Variants in POC1B observed in about 807,000 individuals in gnomAD.
POC1B encodes POC1 centriolar protein B.
Under a neutral mutation model 60.6 loss-of-function variants are expected in POC1B, and 44 were observed. That is an observed-to-expected ratio of 0.73 (90% CI 0.57 to 0.93). The LOEUF (loss-of-function observed/expected upper bound fraction) is 0.93. POC1B is among the 40% of genes least tolerant of loss of function. The pLI, the probability that POC1B is intolerant of heterozygous loss-of-function variation, is 0.00. For missense variants in POC1B, 555 were observed against 572.3 expected (o/e 0.97, Z 0.31); for synonymous variants, 180 against 198.9 (o/e 0.90, Z 0.80).
chr12:89,468,029 C>G (rs1207990290), intron 7 of POC1B, among the ~76,000 whole-genome samples: 1 of 152,158 alleles, frequency 6.6e-6, no homozygotes, highest in Non-Finnish European at 1.5e-5. Flanking sequence ...CAATCACTAG[C>G]AGAAACTGAA....
At chr12:89,471,184 A>C (rs964103002) in intron 6 of POC1B, among the ~76,000 whole-genome samples, 5 of 152,232 alleles carry the variant, frequency 3.3e-5, no homozygotes, top group African/African-American at 1.2e-4. Context: ...GATTTAATAT[A>C]AATCCAATAT....
chr12:89,525,120 C>G lies in POC1B; in HGVS notation c.100G>C (p.Ala34Pro). ...AAAGCAAAACAAGAATAAGACTTAC[C>G]AAGTTGCTTGCCGTTGGGGCTGAGG... ...LDLSPNGKQL[A>P]TASWDTFLML... The change falls in exon 2 of 12, where the codon GCT becomes CCT. Residue 34 changes from alanine to proline, a missense_variant and splice_region_variant. Ala to Pro is a conservative substitution (Grantham distance 27, BLOSUM62 -1). Coordinates refer to ENST00000313546, the MANE Select transcript of POC1B (RefSeq NM_172240.3). The G allele has an allele frequency of 6.2e-7, 1 of 1,614,026 alleles. No homozygotes were observed. The highest frequency in any genetic ancestry group is 8.5e-7 in the Non-Finnish European group (1 of 1,179,902).
At chr12:89,480,847 G>A (rs770933651) in intron 4 of POC1B, among the ~76,000 whole-genome samples, 2 of 152,204 alleles carry the variant, frequency 1.3e-5, no homozygotes, top group Non-Finnish European at 1.5e-5. Flanking sequence ...TGATCTGCCC[G>A]CCTTGGCCTC....
chr12:89,409,180 T>C, the POC1B span, among the ~76,000 whole-genome samples: 13 of 152,334 alleles, frequency 8.5e-5, 1 homozygote, highest in South Asian at 2.7e-3. Flanking sequence ...GGTGTTTCAG[T>C]CATGAAGTCT....
the POC1B span, among the ~76,000 whole-genome samples, chr12:89,407,461 C>T: frequency 4.9e-4 from 75 of 152,078 alleles, no homozygotes; most frequent in Non-Finnish European, 9.8e-4. Context: ...TGGTCTCAAA[C>T]TCCTAACCTC....
At chr12:89,494,147 C>T (rs1469650916) in intron 3 of POC1B, among the ~76,000 whole-genome samples, 1 of 152,168 alleles carries the variant, frequency 6.6e-6, no homozygotes, top group Non-Finnish European at 1.5e-5. Context: ...TCAAGAGCTC[C>T]TCCCTCCTCA....
chr12:89,412,198 C>T, the POC1B span, among the ~76,000 whole-genome samples: 2 of 152,176 alleles, frequency 1.3e-5, no homozygotes, highest in Admixed American at 6.5e-5. Context: ...TATCTGGCAT[C>T]GAGCTTCACA....
downstream of POC1B, chr12:89,419,614 C>T (rs1880448382): frequency 6.6e-6 from 1 of 152,176 alleles, no homozygotes; most frequent in African/African-American, 2.4e-5. Flanking sequence ...ACTGTTTTGA[C>T]AAGCTCTCCA....
At chr12:89,412,814 C>CCTTCCTTT in the POC1B span, among the ~76,000 whole-genome samples, 2 of 117,666 alleles carry the variant, frequency 1.7e-5, no homozygotes, top group East Asian at 1.0e-3. Flanking sequence ...CATGTTCCTT[C>CCTTCCTTT]CTTCCTTCCT....
intron 2 of POC1B, chr12:89,500,929 C>G (rs943168874): frequency 2.1e-6 from 2 of 968,628 alleles, no homozygotes; most frequent in Non-Finnish European, 3.2e-6. Flanking sequence ...AAAAGTGAAT[C>G]CAGTCCCATT....
chr12:89,524,835 C>T, intron 2 of POC1B: 1 of 616,554 alleles, frequency 1.6e-6, no homozygotes, highest in Non-Finnish European at 2.8e-6. Context: ...CGAGGAGAAA[C>T]CCCTCCCCTT....
intron 2 of POC1B, chr12:89,520,430 A>C (rs1870753024): frequency 6.6e-6 from 1 of 152,100 alleles, no homozygotes; most frequent in Non-Finnish European, 1.5e-5. Flanking sequence ...AAATAAAAAA[A>C]TATTTTTAAA....
chr12:89,417,844 T>C (rs1028653619), downstream of POC1B, among the ~76,000 whole-genome samples: 1 of 152,188 alleles, frequency 6.6e-6, no homozygotes, highest in Non-Finnish European at 1.5e-5. Flanking sequence ...ACATCAAATT[T>C]AGTTTCTTGA....
intron 2 of POC1B, among the ~76,000 whole-genome samples, chr12:89,508,812 G>C (rs898912271): frequency 1.3e-5 from 2 of 152,138 alleles, no homozygotes; most frequent in African/African-American, 4.8e-5. Flanking sequence ...CCTTTGCTCT[G>C]CACTTGTCTC....
At chr12:89,489,991 C>G (rs557194527) in intron 4 of POC1B, among the ~76,000 whole-genome samples, 9 of 152,298 alleles carry the variant, frequency 5.9e-5, no homozygotes, top group South Asian at 2.1e-4. Flanking sequence ...AGTAAAGAAG[C>G]TTTCCTTTTC....
chr12:89,479,395 C>T (rs1397817605), intron 4 of POC1B, among the ~76,000 whole-genome samples: 1 of 152,056 alleles, frequency 6.6e-6, no homozygotes, highest in Non-Finnish European at 1.5e-5. Flanking sequence ...AAAGCTTTTT[C>T]ATGTGATGGC....
At chr12:89,500,609 G>T in intron 2 of POC1B, 1 of 1,597,244 alleles carries the variant, frequency 6.3e-7, no homozygotes, top group South Asian at 1.1e-5. Context: ...ATCGCAAAAT[G>T]TTATTCCATC....
At chr12:89,465,088 A>C (rs1882636263) in intron 9 of POC1B, among the ~76,000 whole-genome samples, 1 of 152,118 alleles carries the variant, frequency 6.6e-6, no homozygotes, top group Admixed American at 6.6e-5. Flanking sequence ...TGTTTAATAG[A>C]ATTTTTAGGG....
At chr12:89,516,111 C>T (rs970146376) in intron 2 of POC1B, among the ~76,000 whole-genome samples, 2 of 152,038 alleles carry the variant, frequency 1.3e-5, no homozygotes, top group Non-Finnish European at 1.5e-5. Flanking sequence ...CTATTAGTTT[C>T]TTCCTCCACT....
Sources: allele counts gnomAD v4.1 joint callset (sites outside exome capture counted in the v4.1 genomes callset), GRCh38; gene constraint gnomAD v4.1.1; transcripts MANE v1.5; gene names NCBI Gene and HGNC (gene_info 2026-07-23, HGNC 2026-07-21).